The following XIRP2 variants were observed in gnomAD, a reference collection of about 807,000 sequenced individuals.
The protein encoded by XIRP2 is xin actin-binding repeat-containing protein 2.
A neutral mutation model predicts 277.0 loss-of-function variants in XIRP2; 236 were observed. The observed-to-expected ratio is 0.85, with a 90% CI of 0.77 to 0.95. The LOEUF is 0.95. Among genes scored for constraint, XIRP2 ranks in the 40% least tolerant of loss-of-function variants. XIRP2 has a pLI of 0.00. For missense variants in XIRP2, 4,640 were observed against 4,157.5 expected, an observed-to-expected ratio of 1.12 and a Z score of -3.19; for synonymous variants, 1,490 against 1,416.5, an observed-to-expected ratio of 1.05 and a Z score of -1.17.
chr2:167,211,602 T>A (rs1011444476), intron 4 of XIRP2, among the ~76,000 whole-genome samples: 1 of 152,326 alleles, frequency 6.6e-6, no homozygotes, highest in South Asian at 2.1e-4. Context: ...TAATTTCAAA[T>A]TTTAATAACA....
intron 2 of XIRP2, among the ~76,000 whole-genome samples, chr2:166,922,550 G>T (rs1289574834): frequency 6.6e-6 from 1 of 151,784 alleles, no homozygotes; most frequent in Non-Finnish European, 1.5e-5. Flanking sequence ...CTAATGTCCA[G>T]ATTCTTCTTT....
chr2:167,204,573 TA>T, intron 3 of XIRP2, among the ~76,000 whole-genome samples: 1 of 152,256 alleles, frequency 6.6e-6, no homozygotes, highest in Admixed American at 6.5e-5. Context: ...AGATAAAAAA[TA>T]AAATAGCCTC....
chr2:167,081,408 C>T (rs1574234202), intron 2 of XIRP2, among the ~76,000 whole-genome samples: 1 of 152,276 alleles, frequency 6.6e-6, no homozygotes, highest in South Asian at 2.1e-4. Context: ...TTCGAGGCTA[C>T]AGTCAGCAGT....
chr2:166,897,297 C>T (rs1002407067), intron 1 of XIRP2, among the ~76,000 whole-genome samples: 15 of 152,226 alleles, frequency 9.9e-5, no homozygotes, highest in South Asian at 2.1e-4. Context: ...AGTGGCCCTA[C>T]GGAAGTGTGC....
chr2:167,005,548 A>G (rs905426232), intron 2 of XIRP2, among the ~76,000 whole-genome samples: 2 of 151,876 alleles, frequency 1.3e-5, no homozygotes, highest in Admixed American at 6.6e-5. Flanking sequence ...CTTTAAAACA[A>G]TTATAAAGAT....
intron 3 of XIRP2, among the ~76,000 whole-genome samples, chr2:167,145,520 A>G (rs991833513): frequency 7.9e-5 from 12 of 152,218 alleles, no homozygotes; most frequent in Admixed American, 6.5e-4. Flanking sequence ...GTGAGATTAT[A>G]TCATAATATT....
chr2:167,157,107 C>A (rs16853101), intron 3 of XIRP2, among the ~76,000 whole-genome samples: 15,041 of 152,098 alleles, frequency 0.099, 799 homozygotes, highest in South Asian at 0.15. Context: ...CAACAAAATG[C>A]ATTGAGTGCA....
chr2:167,018,771 G>A (rs559613361), intron 2 of XIRP2, among the ~76,000 whole-genome samples: 11 of 151,930 alleles, frequency 7.2e-5, no homozygotes, highest in East Asian at 1.9e-4. Flanking sequence ...TGACATTTAC[G>A]TAATTTAAAA....
chr2:167,227,817 T>A (rs965499703), intron 5 of XIRP2, among the ~76,000 whole-genome samples: 6 of 152,164 alleles, frequency 3.9e-5, no homozygotes, highest in Non-Finnish European at 8.8e-5. Context: ...TAAAGGAATT[T>A]TTTTAATTTA....
intron 3 of XIRP2, among the ~76,000 whole-genome samples, chr2:167,201,814 A>C (rs1003918349): frequency 1.3e-5 from 2 of 152,218 alleles, no homozygotes; most frequent in African/African-American, 4.8e-5. Flanking sequence ...ACCCTTAATT[A>C]AAAATTTACC....
At position 167,013,487 on chromosome 2, in the gene XIRP2, C is replaced by G. The variant is rs145571403; in HGVS notation, c.408+109597C>G. ...GAGATACTGCATTTTTAATAAGATC[C>G]CAAGTGATAATGATCCTTCTGGTTA... On this transcript the variant is annotated intron_variant, in intron 2 of 10. Transcript: ENST00000409195. 6.4e-3 allele frequency among the ~76,000 whole-genome samples: 969 copies of G among 151,296 alleles called. 4 individuals carry two copies. The highest frequency in any genetic ancestry group is 0.014 in the Middle Eastern group (4 of 294).
intron 2 of XIRP2, among the ~76,000 whole-genome samples, chr2:167,015,741 AC>A (rs1439308754): frequency 6.6e-6 from 1 of 151,796 alleles, no homozygotes; most frequent in East Asian, 1.9e-4. Context: ...AAGGTTAAGT[AC>A]CCTGGAGAAG....
intron 2 of XIRP2, among the ~76,000 whole-genome samples, chr2:166,910,999 C>G (rs1362970938): frequency 1.3e-5 from 2 of 152,124 alleles, no homozygotes; most frequent in East Asian, 3.9e-4. Context: ...AATTTCTGTT[C>G]TTTTACATTT....
intron 3 of XIRP2, among the ~76,000 whole-genome samples, chr2:167,164,931 A>G (rs1364617594): frequency 6.6e-6 from 1 of 152,188 alleles, no homozygotes; most frequent in Non-Finnish European, 1.5e-5. Flanking sequence ...GGACAAACAT[A>G]AAACAATATC....
intron 2 of XIRP2, among the ~76,000 whole-genome samples, chr2:167,036,461 G>T (rs1022861721): frequency 6.6e-6 from 1 of 152,136 alleles, no homozygotes. Flanking sequence ...CATGGGCCCT[G>T]TAACCCCCTT....
chr2:167,015,773 AT>A (rs1687810367), intron 2 of XIRP2, among the ~76,000 whole-genome samples: 1 of 151,732 alleles, frequency 6.6e-6, no homozygotes, highest in Non-Finnish European at 1.5e-5. Flanking sequence ...ATTTGTAAAA[AT>A]TTTTAAGTAG....
At chr2:166,917,059 A>G (rs1684904118) in intron 2 of XIRP2, among the ~76,000 whole-genome samples, 1 of 152,138 alleles carries the variant, frequency 6.6e-6, no homozygotes, top group Non-Finnish European at 1.5e-5. Flanking sequence ...TTCAGAGAAA[A>G]TATTTTATCT....
intron 3 of XIRP2, among the ~76,000 whole-genome samples, chr2:167,147,318 G>C (rs1445313234): frequency 1.3e-5 from 2 of 152,072 alleles, no homozygotes; most frequent in East Asian, 3.9e-4. Context: ...CCAAAGAAAA[G>C]ACTGGTCTTT....
At chr2:167,130,028 C>T (rs755257128) in intron 2 of XIRP2, among the ~76,000 whole-genome samples, 7 of 151,932 alleles carry the variant, frequency 4.6e-5, no homozygotes, top group African/African-American at 7.2e-5. Context: ...ATTATTTAAG[C>T]GAGAGACTCC....
Sources: gnomAD v4.1 joint callset for allele counts (sites outside exome capture counted in the v4.1 genomes callset) on GRCh38, gnomAD v4.1.1 for gene constraint, MANE v1.5 for transcripts, NCBI Gene and HGNC (gene_info 2026-07-23, HGNC 2026-07-21) for gene names.